Variants in CALN1 observed in about 807,000 individuals in gnomAD.
CALN1 encodes the protein calneuron 1.
In CALN1, 17 loss-of-function variants were observed where a neutral mutation model predicts 30.6. The ratio of observed to expected loss-of-function variants is 0.56; its 90% confidence interval spans 0.38 to 0.83. The LOEUF (loss-of-function observed/expected upper bound fraction) is 0.83, where lower values mean the gene tolerates loss of function less well. Ranked by LOEUF, CALN1 falls within the 40% of genes least tolerant of loss-of-function variation. The pLI is 0.00. For synonymous variants in CALN1, 156 were observed against 131.4 expected, an observed-to-expected ratio of 1.19 and a Z score of -1.28; for missense variants, 291 against 354.9, an observed-to-expected ratio of 0.82 and a Z score of 1.45.
intron 2 of CALN1, among the ~76,000 whole-genome samples, chr7:72,384,887 T>C (rs909128582): frequency 2.6e-5 from 4 of 151,842 alleles, no homozygotes; most frequent in African/African-American, 9.7e-5. Context: ...GGGAGAAAAA[T>C]ATTTGAGAAC....
chr7:71,798,630 T>TC (rs1225125971), intron 6 of CALN1, among the ~76,000 whole-genome samples: 2 of 149,316 alleles, frequency 1.3e-5, no homozygotes, highest in East Asian at 4.0e-4. Context: ...TTTTTTTTTT[T>TC]TTTTCTTCTC....
intron 3 of CALN1, among the ~76,000 whole-genome samples, chr7:72,150,560 A>G (rs1393015655): frequency 6.6e-6 from 1 of 152,226 alleles, no homozygotes; most frequent in African/African-American, 2.4e-5. Context: ...GGAGCCAGCC[A>G]TGTGGAATGG....
chr7:72,345,058 G>A (rs1323517467), intron 2 of CALN1, among the ~76,000 whole-genome samples: 1 of 147,650 alleles, frequency 6.8e-6, no homozygotes, highest in Non-Finnish European at 1.5e-5. Context: ...CGTATGTACT[G>A]TTATATTCAT....
chr7:72,458,994 TC>T, the CALN1 span, among the ~76,000 whole-genome samples: 35,447 of 150,022 alleles, frequency 0.24, 4,574 homozygotes, highest in African/African-American at 0.29. Context: ...CACTGCAACC[TC>T]CCGTTTCCTG....
intron 2 of CALN1, among the ~76,000 whole-genome samples, chr7:72,302,253 T>G (rs1562860567): frequency 6.6e-6 from 1 of 151,952 alleles, no homozygotes; most frequent in African/African-American, 2.4e-5. Context: ...CTATATGGGA[T>G]AAATGAAAAG....
At chr7:72,264,030 G>A (rs957870920) in intron 3 of CALN1, among the ~76,000 whole-genome samples, 3 of 152,040 alleles carry the variant, frequency 2.0e-5, no homozygotes, top group Admixed American at 6.6e-5. Flanking sequence ...TCCTGCACGC[G>A]GCCCAATAAA....
At position 71,780,688 on chromosome 7, in the gene CALN1, T is replaced by C. The variant is rs558130391; in HGVS notation, c.*7087A>G. The C allele has an allele frequency of 6.6e-6, 1 of 151,866 alleles. No homozygotes were observed. The highest frequency in any genetic ancestry group is 2.4e-5 in the African/African-American group (1 of 41,418). 9.4% of individuals were successfully genotyped at this position (151,866 alleles called of 1,614,324 possible). Reference sequence around the variant, plus strand: ...TCAACATATACTGGAAGTGCTGTTATAGTGGCCAGAAAAAAAAAAAAGCAA... The same window carrying C: ...TCAACATATACTGGAAGTGCTGTTACAGTGGCCAGAAAAAAAAAAAAGCAA... On this transcript the variant is annotated 3_prime_UTR_variant, in exon 7 of 7. Transcript: ENST00000395275.
chr7:72,219,436 C>T (rs1793098501), intron 3 of CALN1, among the ~76,000 whole-genome samples: 1 of 152,008 alleles, frequency 6.6e-6, no homozygotes, highest in Non-Finnish European at 1.5e-5. Flanking sequence ...TGCTGTGTTG[C>T]CCAGGCTGAT....
At chr7:72,439,229 G>A (rs959807636) in intron 1 of CALN1, among the ~76,000 whole-genome samples, 6 of 151,920 alleles carry the variant, frequency 3.9e-5, no homozygotes, top group Non-Finnish European at 5.9e-5. Flanking sequence ...ATGGGGTTTC[G>A]CCATGTTGCC....
chr7:72,466,039 C>A, the CALN1 span, among the ~76,000 whole-genome samples: 55,573 of 151,994 alleles, frequency 0.37, 11,210 homozygotes, highest in African/African-American at 0.49. Flanking sequence ...AGCCAAGAGA[C>A]TATATGCTTC....
At chr7:71,978,259 ATTC>A (rs370917543) in intron 5 of CALN1, among the ~76,000 whole-genome samples, 1 of 115,614 alleles carries the variant, frequency 8.6e-6, no homozygotes, top group Non-Finnish European at 1.7e-5. Flanking sequence ...ACTCTAGAGA[ATTC>A]TTTTTTTTTT....
At chr7:72,202,787 A>C (rs1791533224) in intron 3 of CALN1, among the ~76,000 whole-genome samples, 1 of 152,204 alleles carries the variant, frequency 6.6e-6, no homozygotes, top group African/African-American at 2.4e-5. Flanking sequence ...CCATTATAGA[A>C]GACAGTGTGG....
chr7:72,300,253 T>C (rs1467508140), intron 2 of CALN1, among the ~76,000 whole-genome samples: 1 of 152,074 alleles, frequency 6.6e-6, no homozygotes, highest in African/African-American at 2.4e-5. Flanking sequence ...GAAACAACAG[T>C]TCAGAGAAAG....
At chr7:71,988,680 C>T (rs1205741849) in intron 5 of CALN1, among the ~76,000 whole-genome samples, 2 of 152,108 alleles carry the variant, frequency 1.3e-5, no homozygotes, top group Admixed American at 6.6e-5. Context: ...AAGCAGGGCC[C>T]TAGCTATGAG....
chr7:72,152,345 T>A (rs553224524), intron 3 of CALN1, among the ~76,000 whole-genome samples: 2 of 152,346 alleles, frequency 1.3e-5, no homozygotes, highest in East Asian at 3.9e-4. Flanking sequence ...CTTCAAGGCC[T>A]TCCCTCTCAC....
chr7:72,333,380 A>G (rs1428113358), intron 2 of CALN1, among the ~76,000 whole-genome samples: 1 of 152,226 alleles, frequency 6.6e-6, no homozygotes. Context: ...ATGATTAAAA[A>G]CTTAATTCAC....
intron 3 of CALN1, among the ~76,000 whole-genome samples, chr7:72,189,398 A>G (rs1293460460): frequency 6.6e-6 from 1 of 152,254 alleles, no homozygotes; most frequent in East Asian, 1.9e-4. Flanking sequence ...CTGGTGTCAA[A>G]GAGGACTTTA....
chr7:72,067,210 A>G (rs1302891672), intron 4 of CALN1, among the ~76,000 whole-genome samples: 1 of 152,224 alleles, frequency 6.6e-6, no homozygotes, highest in Non-Finnish European at 1.5e-5. Flanking sequence ...AAATTTAGGT[A>G]GAGCCTGACA....
At chr7:71,791,465 C>A (rs1181820596) in intron 6 of CALN1, among the ~76,000 whole-genome samples, 2 of 152,090 alleles carry the variant, frequency 1.3e-5, no homozygotes, top group African/African-American at 2.4e-5. Context: ...AAATCAAATA[C>A]CGCATGTTCT....
Sources: gnomAD v4.1 joint callset for allele counts (sites outside exome capture counted in the v4.1 genomes callset) on GRCh38, gnomAD v4.1.1 for gene constraint, MANE v1.5 for transcripts, NCBI Gene and HGNC (gene_info 2026-07-23, HGNC 2026-07-21) for gene names.